Variants in MTA3 observed in about 807,000 individuals in gnomAD.
MTA3 encodes metastasis associated 1 family member 3.
In MTA3, 34 loss-of-function variants were observed where a neutral mutation model predicts 83.5. The ratio of observed to expected loss-of-function variants is 0.41; its 90% confidence interval spans 0.31 to 0.54. The LOEUF (loss-of-function observed/expected upper bound fraction) is 0.54, where lower values mean the gene tolerates loss of function less well. Among genes scored for constraint, MTA3 ranks in the 20% least tolerant of loss-of-function variants. The probability of loss-of-function intolerance (pLI) is 0.33; values close to 1 mark genes in which losing one functional copy is unlikely to be tolerated. For missense variants in MTA3, 761 were observed against 726.4 expected (o/e 1.05, Z -0.55); for synonymous variants, 303 against 252.7 (o/e 1.20, Z -1.89).
chr2:42,641,419 A>T (rs1170296205), intron 5 of MTA3, among the ~76,000 whole-genome samples: 2 of 152,114 alleles, frequency 1.3e-5, no homozygotes, highest in East Asian at 3.8e-4. Flanking sequence ...TAAAATTTAG[A>T]TAGGCTTTTG....
At chr2:42,500,291 C>T (rs1270369786) in intron 2 of MTA3, among the ~76,000 whole-genome samples, 1 of 151,910 alleles carries the variant, frequency 6.6e-6, no homozygotes, top group Non-Finnish European at 1.5e-5. Context: ...ACCAGCTACT[C>T]GGGAGGCTAA....
chr2:42,755,424 A>C lies in MTA3; in HGVS notation c.*2025A>C. ...GGCCAGGTCTGAAGCAGGAGAAGGGAGGCCCCTCCTATCTACCCAGTTGAC... is the reference window on the plus strand; with the variant it reads ...GGCCAGGTCTGAAGCAGGAGAAGGGCGGCCCCTCCTATCTACCCAGTTGAC... On this transcript the variant is annotated 3_prime_UTR_variant, in exon 17 of 17. Coordinates refer to ENST00000405094, the MANE Select transcript of MTA3 (RefSeq NM_001330442.2). 2.0e-6 allele frequency: 2 copies of C among 985,456 alleles called. No individual in the cohort carries two copies. The highest frequency in any genetic ancestry group is 2.4e-6 in the Non-Finnish European group (2 of 829,960). 61.0% of individuals were successfully genotyped at this position (985,456 alleles called of 1,614,324 possible).
chr2:42,538,567 G>A (rs1473550306), intron 2 of MTA3, among the ~76,000 whole-genome samples: 1 of 151,824 alleles, frequency 6.6e-6, no homozygotes, highest in African/African-American at 2.4e-5. Context: ...AATTAGCTGG[G>A]CGTGGTAGTG....
At chr2:42,729,550 G>C in intron 16 of MTA3, among the ~76,000 whole-genome samples, 1 of 152,152 alleles carries the variant, frequency 6.6e-6, no homozygotes, top group Non-Finnish European at 1.5e-5. Context: ...TTTCTCCAAT[G>C]TATGTTCTTG....
At chr2:42,521,940 G>A (rs144952732) in intron 2 of MTA3, among the ~76,000 whole-genome samples, 2 of 152,042 alleles carry the variant, frequency 1.3e-5, no homozygotes, top group Non-Finnish European at 2.9e-5. Flanking sequence ...TTTTTGTAGA[G>A]ATGGGGTTTC....
At chr2:42,496,355 T>C (rs1674135728) in intron 2 of MTA3, among the ~76,000 whole-genome samples, 1 of 152,154 alleles carries the variant, frequency 6.6e-6, no homozygotes, top group South Asian at 2.1e-4. Context: ...ATCGTTTTCT[T>C]AAACAAAGAA....
At chr2:42,535,412 T>A (rs578012363) in intron 2 of MTA3, among the ~76,000 whole-genome samples, 3 of 152,164 alleles carry the variant, frequency 2.0e-5, no homozygotes, top group East Asian at 1.9e-4. Flanking sequence ...ACTTTTTTTT[T>A]ATTAAAAATT....
chr2:42,706,040 T>G (rs1370310436), intron 12 of MTA3, among the ~76,000 whole-genome samples: 2 of 152,202 alleles, frequency 1.3e-5, no homozygotes, highest in Non-Finnish European at 2.9e-5. Flanking sequence ...ATGTTTTAAG[T>G]GAAATTTTAT....
At chr2:42,572,363 C>T (rs145561213) in intron 2 of MTA3, among the ~76,000 whole-genome samples, 3 of 152,088 alleles carry the variant, frequency 2.0e-5, no homozygotes, top group African/African-American at 7.2e-5. Context: ...GCCTCAGGAT[C>T]CTTTGAGTCC....
chr2:42,617,230 A>G (rs1314711489), intron 4 of MTA3, among the ~76,000 whole-genome samples: 3 of 152,228 alleles, frequency 2.0e-5, no homozygotes, highest in Non-Finnish European at 4.4e-5. Flanking sequence ...TAGTATAACC[A>G]GAAAGATCAG....
chr2:42,622,379 A>C (rs1685665405), intron 4 of MTA3, among the ~76,000 whole-genome samples: 1 of 123,780 alleles, frequency 8.1e-6, no homozygotes, highest in South Asian at 3.0e-4. Context: ...TCGGCTCGGC[A>C]TGAGAGGGAG....
At chr2:42,573,002 A>T (rs1678663612) in intron 2 of MTA3, among the ~76,000 whole-genome samples, 1 of 152,166 alleles carries the variant, frequency 6.6e-6, no homozygotes, top group South Asian at 2.1e-4. Flanking sequence ...TGCTGGGATT[A>T]CAGGTGTGGG....
chr2:42,684,717 T>A (rs1356194719), intron 9 of MTA3, among the ~76,000 whole-genome samples: 2 of 152,178 alleles, frequency 1.3e-5, no homozygotes, highest in Non-Finnish European at 2.9e-5. Context: ...TGAGAAACAC[T>A]AAAGTGAAAA....
intron 11 of MTA3, among the ~76,000 whole-genome samples, chr2:42,701,819 A>G (rs1298271596): frequency 6.6e-6 from 1 of 151,886 alleles, no homozygotes; most frequent in African/African-American, 2.4e-5. Context: ...AGGCTGAGGC[A>G]GGAGAATCGC....
chr2:42,551,559 C>G (rs746151048), intron 2 of MTA3, among the ~76,000 whole-genome samples: 1 of 152,044 alleles, frequency 6.6e-6, no homozygotes, highest in African/African-American at 2.4e-5. Context: ...AACAGACAGA[C>G]ATGCCTCTTC....
intron 3 of MTA3, among the ~76,000 whole-genome samples, chr2:42,582,742 G>C (rs1679814665): frequency 6.6e-6 from 1 of 152,156 alleles, no homozygotes; most frequent in African/African-American, 2.4e-5. Context: ...TCTTGGTCTT[G>C]TCTATTTTAG....
At chr2:42,616,605 G>A (rs1425994819) in intron 4 of MTA3, among the ~76,000 whole-genome samples, 2 of 131,432 alleles carry the variant, frequency 1.5e-5, no homozygotes, top group African/African-American at 5.9e-5. Context: ...TTGAGACAGG[G>A]TCTCACTCTG....
chr2:42,671,062 A>G (rs908324982), intron 8 of MTA3, among the ~76,000 whole-genome samples: 2 of 151,938 alleles, frequency 1.3e-5, no homozygotes, highest in Non-Finnish European at 2.9e-5. Context: ...AGTCTCTTTC[A>G]TTCCTGAACG....
At chr2:42,607,257 A>G (rs1573232583) in intron 3 of MTA3, among the ~76,000 whole-genome samples, 1 of 152,320 alleles carries the variant, frequency 6.6e-6, no homozygotes, top group East Asian at 1.9e-4. Context: ...AGAGTAGAGC[A>G]AAGCATACTG....
Sources: allele counts gnomAD v4.1 joint callset (sites outside exome capture counted in the v4.1 genomes callset), GRCh38; gene constraint gnomAD v4.1.1; transcripts MANE v1.5; gene names NCBI Gene and HGNC (gene_info 2026-07-23, HGNC 2026-07-21).